The following TAF8 variants were observed in gnomAD, a reference collection of about 807,000 sequenced individuals.
TAF8 encodes the protein TATA-box binding protein associated factor 8.
TAF8 carries 47 observed loss-of-function variants against 36.5 expected under a neutral mutation model. The ratio of observed to expected loss-of-function variants is 1.29; its 90% CI spans 1.02 to 1.64. The LOEUF (loss-of-function observed/expected upper bound fraction) is 1.64, where lower values mean the gene tolerates loss of function less well. Among genes scored for constraint, TAF8 ranks in the 40% most tolerant of loss-of-function variants. The pLI, the probability that TAF8 is intolerant of heterozygous loss-of-function variation, is 0.00. For synonymous variants in TAF8, 175 were observed against 159.5 expected (o/e 1.10, Z -0.73); for missense variants, 420 against 407.6 (o/e 1.03, Z -0.26).
Position 42,051,342 on chromosome 6 carries a change from T to G in TAF8, c.46-15T>G. On this transcript the variant is annotated splice_polypyrimidine_tract_variant and intron_variant, in intron 1 of 8. Transcript: ENST00000372977. ...TCCTTCTCCTGTGGATGAAAATCTC[T>G]CTGCTGATTCACAGAGATCGGGAAG... 6.2e-7 allele frequency: 1 copy of G among 1,605,148 alleles called. No individual in the cohort carries two copies. The highest frequency in any genetic ancestry group is 1.1e-5 in the South Asian group (1 of 90,724).
Position 42,068,593 on chromosome 6 carries a change from CTTCA to C in TAF8, c.768_771del (p.His257SerfsTer41). 6.2e-7 allele frequency: 1 copy of C among 1,613,378 alleles called. No homozygotes were observed. ...ACAGACAGACACAGAGAACCTTGCT[CTTCA>C]TATCAGCATGGTGGGTTCCACCTTC... On this transcript the variant is annotated frameshift_variant, in exon 7 of 9. Transcript: ENST00000372977. LOFTEE classifies it high-confidence loss of function.
chr6:42,057,302 TGAGAAAAGG>T, intron 4 of TAF8, 78 bp from the exon 5 acceptor site: 2 of 1,574,702 alleles, frequency 1.3e-6, no homozygotes, highest in South Asian at 1.1e-5. Flanking sequence ...GGCATTTTTT[TGAGAAAAGG>T]AGGCTTTGGG....
Position 42,051,454 on chromosome 6 carries a change from C to T in TAF8, c.143C>T (p.Ala48Val), listed in dbSNP as rs1562007337. 2 of 1,613,952 alleles carry T rather than the reference C, an allele frequency of 1.2e-6. No individual in the cohort carries two copies. The highest frequency in any genetic ancestry group is 1.7e-5 in the Admixed American group (1 of 59,982). The change falls in exon 2 of 9, where the codon GCA becomes GTA. Residue 48 changes from alanine to valine, a missense_variant. Ala to Val is a moderately conservative substitution (Grantham distance 64). Coordinates refer to ENST00000372977, the MANE Select transcript of TAF8 (RefSeq NM_138572.3). ...GTTGTGAGCTCCTTGCTGACAGAGG[C>T]AGGGTTTGAGAGTGCCGAGAAAGCA... Reference protein sequence around the residue: ...QVVVSSLLTEAGFESAEKASV... With the variant: ...QVVVSSLLTEVGFESAEKASV...
chr6:42,070,583 C>G (rs1765530621), intron 7 of TAF8, among the ~76,000 whole-genome samples: 1 of 152,218 alleles, frequency 6.6e-6, no homozygotes, highest in South Asian at 2.1e-4. Context: ...GGCTGCTCTA[C>G]TAGGCAGTGC....
intron 7 of TAF8, 68 bp from the exon 8 acceptor site, chr6:42,077,032 C>A: frequency 6.6e-7 from 1 of 1,526,202 alleles, no homozygotes; most frequent in Non-Finnish European, 8.8e-7. Flanking sequence ...AATGGTCATT[C>A]CAATTATAGG....
rs4711706 is a variant in TAF8 at position 42,081,797 on chromosome 6, C to T, written c.*4252C>T. 0.38 allele frequency: 58,403 copies of T among 152,088 alleles called. 12,928 individuals carry two copies. The highest frequency in any genetic ancestry group is 0.48 in the Admixed American group (7,274 of 15,278). The allele number at this position is 152,088 out of a possible 1,614,324, so 9.4% of individuals were successfully genotyped here. The stretch of plus-strand genomic sequence containing the variant: ...CTGAGGTTACAGGCGTGAGCCCCCG[C>T]GCCTGGCTCTTCTGGAGTATTTTTA... On this transcript the variant is annotated 3_prime_UTR_variant, in exon 9 of 9. Transcript: ENST00000372977.
chr6:42,075,292 C>A (rs1315900229), intron 7 of TAF8, among the ~76,000 whole-genome samples: 2 of 152,206 alleles, frequency 1.3e-5, no homozygotes, highest in Non-Finnish European at 2.9e-5. Flanking sequence ...GCAGCACTTG[C>A]TTTCAAGAGT....
At chr6:42,061,829 A>G (rs1765198668) in intron 5 of TAF8, among the ~76,000 whole-genome samples, 2 of 152,228 alleles carry the variant, frequency 1.3e-5, no homozygotes, top group South Asian at 4.1e-4. Context: ...ATAATTTTTA[A>G]TTGGATTTTG....
rs561846227 is a variant in TAF8 at position 42,077,540 on chromosome 6, T to C, written c.928T>C (p.Ser310Pro). 3.7e-6 allele frequency: 6 copies of C among 1,612,976 alleles called. No individual in the cohort carries two copies. In the Admixed American group the frequency reaches 6.7e-5, roughly 18 times the overall value. ...GGTTCCTCTTCTTTCTAGGTCCCTC[T>C]CCTGAGCTGAGAAGGAAACCTGGCT... Reference protein sequence around the residue: ...KPKIRRKKSLS With the variant: ...KPKIRRKKSLP The change falls in exon 9 of 9, where the codon TCC becomes CCC. Residue 310 changes from serine to proline, a missense_variant. Ser to Pro is a moderately conservative substitution (Grantham distance 74, BLOSUM62 -1). Coordinates refer to ENST00000372977, the MANE Select transcript of TAF8 (RefSeq NM_138572.3).
In TAF8 at chr6:42,082,621, G is replaced by C. The variant is rs9381134; in HGVS notation, c.*5076G>C. 0.13 allele frequency: 20,018 copies of C among 152,236 alleles called. 1,396 individuals carry two copies. Among genetic ancestry groups the C allele is most frequent in the East Asian group, 0.24 (1,247 of 5,172 alleles). The allele number at this position is 152,236 out of a possible 1,614,324, so 9.4% of individuals were successfully genotyped here. Reference sequence around the variant, plus strand: ...CCCAAAGTGCTAGGATTATAGGTATGACCCACCGCACCTGGCCGAGTATGG... The same window carrying C: ...CCCAAAGTGCTAGGATTATAGGTATCACCCACCGCACCTGGCCGAGTATGG... On this transcript the variant is annotated 3_prime_UTR_variant, in exon 9 of 9. Transcript: ENST00000372977.
intron 7 of TAF8, among the ~76,000 whole-genome samples, chr6:42,075,572 C>T (rs964286251): frequency 1.3e-5 from 2 of 152,206 alleles, no homozygotes; most frequent in Non-Finnish European, 2.9e-5. Flanking sequence ...TCATGGCATC[C>T]TCTGTCTGTT....
At chr6:42,064,447 G>C (rs1016458364) in intron 5 of TAF8, among the ~76,000 whole-genome samples, 1 of 151,988 alleles carries the variant, frequency 6.6e-6, no homozygotes, top group African/African-American at 2.4e-5. Context: ...TAGAGACCGG[G>C]TGTTACCATG....
intron 7 of TAF8, among the ~76,000 whole-genome samples, chr6:42,075,931 C>A (rs888156200): frequency 6.6e-6 from 1 of 152,124 alleles, no homozygotes; most frequent in African/African-American, 2.4e-5. Context: ...GTAAAGCGGC[C>A]GGGCGCGGTG....
chr6:42,057,193 G>A (rs954275104), intron 4 of TAF8, among the ~76,000 whole-genome samples, 196 bp from the exon 5 acceptor site: 3 of 152,228 alleles, frequency 2.0e-5, no homozygotes, highest in African/African-American at 4.8e-5. Flanking sequence ...CAAAGGGAAC[G>A]TCAACCAAGA....
chr6:42,080,427 C>A lies in TAF8; in HGVS notation c.*2882C>A. 1.1e-6 allele frequency: 1 copy of A among 903,284 alleles called. No homozygotes were observed. Among genetic ancestry groups the A allele is most frequent in the Non-Finnish European group, 1.3e-6 (1 of 757,784 alleles). The allele number at this position is 903,284 out of a possible 1,614,324, so 56.0% of individuals were successfully genotyped here. ...CACTCTTATCGCCCAGGCTGGAGTGCAATGGCGTGATCTCGGCTCACTGCA... is the reference window on the plus strand; with the variant it reads ...CACTCTTATCGCCCAGGCTGGAGTGAAATGGCGTGATCTCGGCTCACTGCA... On this transcript the variant is annotated 3_prime_UTR_variant, in exon 9 of 9. Transcript: ENST00000372977.
At position 42,078,150 on chromosome 6, in the gene TAF8, A is replaced by C; in HGVS notation, c.*605A>C. On this transcript the variant is annotated 3_prime_UTR_variant, in exon 9 of 9. Coordinates refer to ENST00000372977, the MANE Select transcript of TAF8 (RefSeq NM_138572.3). ...AAGTGATAACCCGCCTCGGCCTCCCAAAGTGCTGAGATTACAGGCGTGAGC... is the reference window on the plus strand; with the variant it reads ...AAGTGATAACCCGCCTCGGCCTCCCCAAGTGCTGAGATTACAGGCGTGAGC... The C allele has an allele frequency of 2.1e-6, 2 of 969,478 alleles. No homozygotes were observed. Among genetic ancestry groups the C allele is most frequent in the Non-Finnish European group, 2.5e-6 (2 of 815,140 alleles). 60.1% of individuals were successfully genotyped at this position (969,478 alleles called of 1,614,324 possible).
intron 2 of TAF8, 171 bp downstream of exon 2, chr6:42,051,684 A>C: frequency 1.6e-6 from 1 of 635,494 alleles, no homozygotes; most frequent in Non-Finnish European, 2.5e-6. Flanking sequence ...CAATGGGCCG[A>C]GCGTGGTGGC....
intron 5 of TAF8, among the ~76,000 whole-genome samples, chr6:42,059,385 GAAA>G (rs1328626068): frequency 8.1e-4 from 100 of 123,556 alleles, no homozygotes; most frequent in Non-Finnish European, 1.0e-3. Flanking sequence ...TTTGTCTCAA[GAAA>G]AAAAAAAAAA....
intron 5 of TAF8, among the ~76,000 whole-genome samples, chr6:42,060,580 G>A (rs1375617834): frequency 6.6e-6 from 1 of 152,148 alleles, no homozygotes; most frequent in East Asian, 1.9e-4. Context: ...TGGGGTTCCT[G>A]AGCCTGTTTG....
Sources: gnomAD v4.1 joint callset for allele counts (sites outside exome capture counted in the v4.1 genomes callset) on GRCh38, gnomAD v4.1.1 for gene constraint, MANE v1.5 for transcripts, NCBI Gene and HGNC (gene_info 2026-07-23, HGNC 2026-07-21) for gene names.